MAP3K4: variants seen among roughly 807,000 people sequenced by gnomAD.
MAP3K4 encodes MAP three kinase 1.
Under a neutral mutation model 185.6 loss-of-function variants are expected in MAP3K4, and 67 were observed. The ratio of observed to expected loss-of-function variants is 0.36; its 90% confidence interval spans 0.30 to 0.44. MAP3K4 has a LOEUF of 0.44. Among genes scored for constraint, MAP3K4 ranks in the 20% least tolerant of loss-of-function variants. MAP3K4 has a pLI of 1.00. For synonymous variants in MAP3K4, 702 were observed against 710.4 expected, an observed-to-expected ratio of 0.99 and a Z score of 0.19; for missense variants, 1,551 against 1,995.1, an observed-to-expected ratio of 0.78 and a Z score of 4.24.
In MAP3K4 at chr6:161,073,070, A is replaced by G. The variant is rs1440620766; in HGVS notation, c.1951-396A>G. Reference sequence around the variant, plus strand: ...TGGTAAAAAGTACCTTTGAATCTTTATTATGTTTTTGATCATTAGGAGGTT... The same window carrying G: ...TGGTAAAAAGTACCTTTGAATCTTTGTTATGTTTTTGATCATTAGGAGGTT... On this transcript the variant is annotated intron_variant, in intron 4 of 26. Transcript: ENST00000392142. The surrounding 1 kb of genome is among the most constrained non-coding windows in gnomAD (Gnocchi z 4.2). 6.6e-6 allele frequency among the ~76,000 whole-genome samples: 1 copy of G among 152,074 alleles called. No homozygotes were observed. The highest frequency in any genetic ancestry group is 2.4e-5 in the African/African-American group (1 of 41,422).
chr6:161,078,381 G>A (rs191887147), intron 5 of MAP3K4, among the ~76,000 whole-genome samples: 3 of 152,292 alleles, frequency 2.0e-5, no homozygotes, highest in African/African-American at 7.2e-5. Context: ...CAGCGGGGAC[G>A]CCAGCATGCT....
Position 161,034,851 on chromosome 6 carries a change from C to G in MAP3K4, c.343+402C>G, listed in dbSNP as rs774997328. Among the ~76,000 whole-genome samples the G allele has an allele frequency of 6.6e-5, 10 of 152,162 alleles. No homozygotes were observed. Among genetic ancestry groups the G allele is most frequent in the Non-Finnish European group, 1.0e-4 (7 of 68,026 alleles). On this transcript the variant is annotated intron_variant, in intron 2 of 26. Coordinates refer to ENST00000392142, the MANE Select transcript of MAP3K4 (RefSeq NM_005922.4). The surrounding 1 kb of genome is among the most constrained non-coding windows in gnomAD (Gnocchi z 4.4). ...TTGAGGAGAGACAGAGCCAGGCTGT[C>G]TTCCCCTGGATTCCCTCTGCTCTCT...
chr6:161,080,681 T>G lies in MAP3K4; in HGVS notation c.2098-200T>G, dbSNP rs1785408816. On this transcript the variant is annotated intron_variant, in intron 5 of 26. Coordinates refer to ENST00000392142, the MANE Select transcript of MAP3K4 (RefSeq NM_005922.4). The surrounding 1 kb of genome is among the most constrained non-coding windows in gnomAD (Gnocchi z 4.8). ...AATAATATGTTAAATTGCTGGGGAGTTAGTTTTGTGATTTTTTAAAAAATC... is the reference window on the plus strand; with the variant it reads ...AATAATATGTTAAATTGCTGGGGAGGTAGTTTTGTGATTTTTTAAAAAATC... The G allele has an allele frequency of 3.8e-6, 2 of 521,416 alleles. No homozygotes were observed. Among genetic ancestry groups the G allele is most frequent in the Non-Finnish European group, 6.8e-6 (2 of 294,208 alleles). 32.3% of individuals were successfully genotyped at this position (521,416 alleles called of 1,614,324 possible).
rs1778099169 is a variant in MAP3K4, at chr6:161,106,916, A to G, written c.4048+211A>G. On this transcript the variant is annotated intron_variant, in intron 20 of 26. Transcript: ENST00000392142. This position sits in a 1 kb window ranked among gnomAD's most constrained non-coding sequence, Gnocchi z 4.9. ...AGAGCAATACAAAATGAGATTTTAG[A>G]ATGAGAAAGAGATTTCTAAATGATT... 6.6e-6 allele frequency among the ~76,000 whole-genome samples: 1 copy of G among 152,166 alleles called. No individual in the cohort carries two copies. Among genetic ancestry groups the G allele is most frequent in the South Asian group, 2.1e-4 (1 of 4,832 alleles).
At chr6:161,050,063 T>C in intron 3 of MAP3K4, 84 bp downstream of exon 3, 2 of 1,345,208 alleles carry the variant, frequency 1.5e-6, no homozygotes, top group Non-Finnish European at 2.0e-6. Flanking sequence ...TTATGTACTT[T>C]CATATTCTAA....
In MAP3K4 at chr6:161,109,632, G is replaced by A. The variant is rs923987202; in HGVS notation, c.4237-123G>A. Reference sequence around the variant, plus strand: ...ACACATTCAGTGCTCAGGATGGCAAGTGTAGTATACCGTTAGAAAGAACAT... The same window carrying A: ...ACACATTCAGTGCTCAGGATGGCAAATGTAGTATACCGTTAGAAAGAACAT... On this transcript the variant is annotated intron_variant, in intron 22 of 26. Transcript: ENST00000392142. This position sits in a 1 kb window ranked among gnomAD's most constrained non-coding sequence, Gnocchi z 5.7. The A allele has an allele frequency of 1.1e-6, 1 of 948,104 alleles. No individual in the cohort carries two copies. The highest frequency in any genetic ancestry group is 1.6e-6 in the Non-Finnish European group (1 of 616,136). The allele number at this position is 948,104 out of a possible 1,614,324, so 58.7% of individuals were successfully genotyped here. A position where few individuals can be genotyped will look rare whatever the true frequency, so the allele number is the denominator to read the frequency against.
rs1445305570 is a variant in MAP3K4 at position 161,112,549 on chromosome 6, T to C, written c.4520-119T>C. ...TGAACTGTCTGTAAATTTTTGATAT[T>C]TCCCATTACCTAATGCAGGAAGATA... is the stretch of plus-strand genomic sequence containing the variant. On this transcript the variant is annotated intron_variant, in intron 24 of 26. Transcript: ENST00000392142. This position sits in a 1 kb window ranked among gnomAD's most constrained non-coding sequence, Gnocchi z 5.1. 4 of 629,104 alleles carry C rather than the reference T, an allele frequency of 6.4e-6. No homozygotes were observed. In the African/African-American group the frequency reaches 7.5e-5, roughly 12 times the overall value. The allele number at this position is 629,104 out of a possible 1,614,324, so 39.0% of individuals were successfully genotyped here.
At chr6:160,997,957 T>A (rs1392121575) in intron 1 of MAP3K4, among the ~76,000 whole-genome samples, 1 of 152,160 alleles carries the variant, frequency 6.6e-6, no homozygotes, top group South Asian at 2.1e-4. Flanking sequence ...GGACCTGGTC[T>A]CAGAGAGTGA....
Position 161,082,012 on chromosome 6 carries a change from T to G in MAP3K4, c.2255+974T>G, listed in dbSNP as rs970159607. On this transcript the variant is annotated intron_variant, in intron 6 of 26. Transcript: ENST00000392142. The surrounding 1 kb of genome is among the most constrained non-coding windows in gnomAD (Gnocchi z 4.2). ...ACTTCTGCAGGACTCTAGCTTTAGCTTTGTTCTTGACTCTGCCGATTTCTC... is the reference window on the plus strand; with the variant it reads ...ACTTCTGCAGGACTCTAGCTTTAGCGTTGTTCTTGACTCTGCCGATTTCTC... 6.6e-6 allele frequency among the ~76,000 whole-genome samples: 1 copy of G among 152,084 alleles called. No individual in the cohort carries two copies. The highest frequency in any genetic ancestry group is 2.4e-5 in the African/African-American group (1 of 41,416).
At position 161,054,235 on chromosome 6, in the gene MAP3K4, A is replaced by T. The variant is rs1441007210; in HGVS notation, c.1707+4256A>T. Among the ~76,000 whole-genome samples, 3 of 151,844 alleles carry T rather than the reference A, an allele frequency of 2.0e-5. No individual in the cohort carries two copies. Among genetic ancestry groups the T allele is most frequent in the Admixed American group, 2.0e-4 (3 of 15,244 alleles). ...AATGGCGCTATCTCAGCTCCCTGAGACCTTTGCCTTGGGGGTTCAGGCTAT... is the reference window on the plus strand; with the variant it reads ...AATGGCGCTATCTCAGCTCCCTGAGTCCTTTGCCTTGGGGGTTCAGGCTAT... On this transcript the variant is annotated intron_variant, in intron 3 of 26. Transcript: ENST00000392142. This position sits in a 1 kb window ranked among gnomAD's most constrained non-coding sequence, Gnocchi z 4.2.
intron 5 of MAP3K4, among the ~76,000 whole-genome samples, chr6:161,079,114 T>C (rs564280161): frequency 5.4e-5 from 8 of 148,634 alleles, no homozygotes; most frequent in Non-Finnish European, 8.9e-5. Context: ...CTTAGGAGGC[T>C]GAGGCAGGAG....
intron 2 of MAP3K4, among the ~76,000 whole-genome samples, chr6:161,038,662 T>A (rs1241875145): frequency 6.6e-6 from 1 of 152,216 alleles, no homozygotes; most frequent in Non-Finnish European, 1.5e-5. Flanking sequence ...ATTTTATTGC[T>A]CATGATTCTG....
At chr6:161,016,668 T>C (rs1005973623) in intron 1 of MAP3K4, among the ~76,000 whole-genome samples, 1 of 152,226 alleles carries the variant, frequency 6.6e-6, no homozygotes, top group Non-Finnish European at 1.5e-5. Context: ...AGTTTATAGC[T>C]GGACTCTCTC....
Position 161,048,304 on chromosome 6 carries a change from G to A in MAP3K4, c.344-312G>A, listed in dbSNP as rs781234656. On this transcript the variant is annotated intron_variant, in intron 2 of 26. Transcript: ENST00000392142. The surrounding 1 kb of genome is among the most constrained non-coding windows in gnomAD (Gnocchi z 4.7). Reference sequence around the variant, plus strand: ...CCTTAAATTGAAGGTGATTACTTACGGAAATTTGGTTAAATGATTTGATAA... The same window carrying A: ...CCTTAAATTGAAGGTGATTACTTACAGAAATTTGGTTAAATGATTTGATAA... 2.1e-5 allele frequency: 12 copies of A among 570,624 alleles called. No homozygotes were observed. Among genetic ancestry groups the A allele is most frequent in the Middle Eastern group, 3.0e-4 (1 of 3,356 alleles). The allele number at this position is 570,624 out of a possible 1,614,324, so 35.3% of individuals were successfully genotyped here.
intron 2 of MAP3K4, among the ~76,000 whole-genome samples, chr6:161,042,511 T>C (rs767493565): frequency 5.9e-5 from 9 of 152,170 alleles, no homozygotes; most frequent in Non-Finnish European, 1.0e-4. Flanking sequence ...CCACAGGAGC[T>C]AGCTGCGGTG....
Position 161,116,846 on chromosome 6 carries a change from A to G in MAP3K4, c.4807-4A>G. The G allele has an allele frequency of 6.2e-7, 1 of 1,614,086 alleles. No homozygotes were observed. The highest frequency in any genetic ancestry group is 8.5e-7 in the Non-Finnish European group (1 of 1,179,948). On this transcript the variant is annotated splice_region_variant and splice_polypyrimidine_tract_variant and intron_variant, in intron 26 of 26. Coordinates refer to ENST00000392142, the MANE Select transcript of MAP3K4 (RefSeq NM_005922.4). The surrounding 1 kb of genome is among the most constrained non-coding windows in gnomAD (Gnocchi z 6.2). Reference sequence around the variant, plus strand: ...GAGCTCAGCTCTCTCCTGCTTCCTCACAGGTTTGCACAGATGAAGAATGAA... The same window carrying G: ...GAGCTCAGCTCTCTCCTGCTTCCTCGCAGGTTTGCACAGATGAAGAATGAA...
intron 3 of MAP3K4, among the ~76,000 whole-genome samples, chr6:161,065,118 T>C (rs1784649921): frequency 6.6e-6 from 1 of 152,108 alleles, no homozygotes; most frequent in African/African-American, 2.4e-5. Flanking sequence ...AGGAGGAAGT[T>C]GTATAAGGCA....
chr6:161,111,687 C>T, intron 23 of MAP3K4, 149 bp from the exon 24 acceptor site: 11 of 817,036 alleles, frequency 1.3e-5, no homozygotes, highest in Non-Finnish European at 2.1e-5. Context: ...GCTTACAAAT[C>T]TTCCTATGAT....
chr6:161,002,354 A>G lies in MAP3K4; in HGVS notation c.152+10271A>G, dbSNP rs116782270. ...ACACTGTAAGAGGAATAGTTTTCAA[A>G]TTGATCTAGCCACTGCCTAAGAAAA... On this transcript the variant is annotated intron_variant, in intron 1 of 26. Transcript: ENST00000392142. Among the ~76,000 whole-genome samples the G allele has an allele frequency of 4.7e-3, 723 of 152,238 alleles. 10 individuals carry two copies. The highest frequency in any genetic ancestry group is 0.017 in the African/African-American group (689 of 41,540).
Sources: allele counts gnomAD v4.1 joint callset (sites outside exome capture counted in the v4.1 genomes callset), GRCh38; gene constraint gnomAD v4.1.1; non-coding constraint Gnocchi (gnomAD v3.1); transcripts MANE v1.5; gene names NCBI Gene and HGNC (gene_info 2026-07-23, HGNC 2026-07-21).